DLG3: variants seen among roughly 807,000 people sequenced by gnomAD.
DLG3 encodes discs large MAGUK scaffold protein 3, also known as disks large homolog 3.
In DLG3, 1 loss-of-function variant was observed where a neutral mutation model predicts 64.1. That is an observed-to-expected ratio of 0.02 (90% CI 0.01 to 0.07). The LOEUF (loss-of-function observed/expected upper bound fraction) is 0.07. Among genes scored for constraint, DLG3 ranks in the 10% least tolerant of loss-of-function variants. DLG3 has a pLI of 1.00. For missense variants in DLG3, 429 were observed against 669.5 expected, an observed-to-expected ratio of 0.64 and a Z score of 3.96; for synonymous variants, 245 against 259.8, an observed-to-expected ratio of 0.94 and a Z score of 0.55.
intron 9 of DLG3, among the ~76,000 whole-genome samples, chrX:70,460,879 T>G (rs977042060): frequency 8.9e-6 from 1 of 112,312 alleles, no homozygotes; most frequent in African/African-American, 3.2e-5. Context: ...ATTGTCAAGG[T>G]TCATCTGTGT....
chrX:70,491,910 A>C (rs2087366611), intron 10 of DLG3, among the ~76,000 whole-genome samples, 197 bp from the exon 11 acceptor site: 2 of 111,572 alleles, frequency 1.8e-5, no homozygotes, highest in Admixed American at 9.5e-5. Flanking sequence ...TGGGAGAATG[A>C]GATGTTTCTT....
chrX:70,482,660 G>GTTTTTTTTTTTT (rs200729766), intron 10 of DLG3, among the ~76,000 whole-genome samples: 26 of 69,226 alleles, frequency 3.8e-4, no homozygotes, highest in Non-Finnish European at 5.0e-4. Flanking sequence ...TACATGTGTG[G>GTTTTTTTTTTTT]TGTTTTTTTT....
rs1226084684 is a variant in DLG3, at chrX:70,444,909, C to G, written c.-293C>G. On this transcript the variant is annotated 5_prime_UTR_variant, in exon 1 of 19. Transcript: ENST00000374360. The stretch of plus-strand genomic sequence containing the variant: ...CACCCATTCTCTGCTTGAGCTCCCG[C>G]TTCTTCTTTGCCGCTGGGCCTCGGC... The G allele has an allele frequency of 1.6e-5, 3 of 186,877 alleles. No homozygotes were observed. Among genetic ancestry groups the G allele is most frequent in the Non-Finnish European group, 3.0e-5 (3 of 101,654 alleles). The allele number at this position is 186,877 out of a possible 1,213,427, so 15.4% of individuals were successfully genotyped here. A position where few individuals can be genotyped will look rare whatever the true frequency, so the allele number is the denominator to read the frequency against.
chrX:70,460,282 CAAAAAAAAA>C (rs1221573255), intron 9 of DLG3, among the ~76,000 whole-genome samples: 1 of 38,438 alleles, frequency 2.6e-5, no homozygotes, highest in Non-Finnish European at 5.8e-5. Flanking sequence ...GACTCTGTCT[CAAAAAAAAA>C]AAAAAAAAAA....
chrX:70,445,561 A>G lies in DLG3; in HGVS notation c.357+3A>G. ...CCAACCGGGACTGGTATGAGCAGGT[A>G]TGGACCAGCGGAGGGGGGAGCGGTG... On this transcript the variant is annotated splice_donor_region_variant and intron_variant, in intron 1 of 18. Coordinates refer to ENST00000374360, the MANE Select transcript of DLG3 (RefSeq NM_021120.4). 2 of 1,176,343 alleles carry G rather than the reference A, an allele frequency of 1.7e-6. No individual in the cohort carries two copies. Among genetic ancestry groups the G allele is most frequent in the Non-Finnish European group, 2.3e-6 (2 of 876,970 alleles).
intron 6 of DLG3, among the ~76,000 whole-genome samples, chrX:70,451,251 G>A (rs2086614834): frequency 9.0e-6 from 1 of 111,540 alleles, no homozygotes; most frequent in Non-Finnish European, 1.9e-5. Flanking sequence ...ACAGGTGCCT[G>A]CCACCATGCC....
chrX:70,451,337 G>A (rs1032059088), intron 6 of DLG3, among the ~76,000 whole-genome samples: 3 of 111,119 alleles, frequency 2.7e-5, no homozygotes, highest in Non-Finnish European at 5.7e-5. Flanking sequence ...TCCTGACCTC[G>A]TGATCCACCC....
rs767930444 is a variant in DLG3 at position 70,450,629 on chromosome X, C to T, written c.841-10C>T. ...TTCCAAGTCCCAGCCTGAGGCCTCT[C>T]CTCTTCTAGGTGAACAACACCAATC... On this transcript the variant is annotated splice_polypyrimidine_tract_variant and intron_variant, in intron 5 of 18. Transcript: ENST00000374360. The T allele has an allele frequency of 4.1e-6, 5 of 1,211,563 alleles. No individual in the cohort carries two copies. The highest frequency in any genetic ancestry group is 4.3e-5 in the Admixed American group (2 of 46,039).
chrX:70,471,976 T>C (rs1333510949), intron 9 of DLG3, among the ~76,000 whole-genome samples: 2 of 111,776 alleles, frequency 1.8e-5, no homozygotes, highest in East Asian at 5.6e-4. Context: ...TGTGTTACTT[T>C]CCTGTTTAAA....
At chrX:70,447,919 A>G (rs1175547785) in intron 1 of DLG3, among the ~76,000 whole-genome samples, 1 of 111,701 alleles carries the variant, frequency 9.0e-6, no homozygotes, top group Non-Finnish European at 1.9e-5. Flanking sequence ...CTACATATTG[A>G]AAACCATGGA....
chrX:70,474,490 A>G (rs183390561), intron 9 of DLG3, among the ~76,000 whole-genome samples: 1 of 110,817 alleles, frequency 9.0e-6, no homozygotes, highest in African/African-American at 3.3e-5. Context: ...GGTGTCGTTT[A>G]CAGTAATGGG....
At chrX:70,469,928 G>A (rs1188169903) in intron 9 of DLG3, among the ~76,000 whole-genome samples, 2 of 111,636 alleles carry the variant, frequency 1.8e-5, no homozygotes, top group African/African-American at 6.5e-5. Context: ...TGAGCCTCAG[G>A]GCAGCTCAGC....
intron 9 of DLG3, among the ~76,000 whole-genome samples, chrX:70,468,832 A>G (rs2086924487): frequency 8.9e-6 from 1 of 111,845 alleles, no homozygotes; most frequent in Non-Finnish European, 1.9e-5. Flanking sequence ...TCTAAATTAT[A>G]TTTAAAAATT....
intron 13 of DLG3, chrX:70,497,254 G>C: frequency 1.7e-6 from 2 of 1,180,318 alleles, no homozygotes; most frequent in Non-Finnish European, 2.3e-6. Context: ...ATGTCGTGTA[G>C]CTCCACTGTG....
intron 9 of DLG3, among the ~76,000 whole-genome samples, chrX:70,477,342 C>A (rs2087070953): frequency 8.9e-6 from 1 of 112,431 alleles, no homozygotes; most frequent in African/African-American, 3.2e-5. Flanking sequence ...GGTCAGAAAT[C>A]TTTGTCTCAC....
At chrX:70,467,966 G>A (rs1195913962) in intron 9 of DLG3, among the ~76,000 whole-genome samples, 1 of 112,084 alleles carries the variant, frequency 8.9e-6, no homozygotes, top group African/African-American at 3.2e-5. Context: ...TCCGGAATAG[G>A]TGAGAAGGCA....
intron 9 of DLG3, among the ~76,000 whole-genome samples, chrX:70,460,816 G>A (rs1271230476): frequency 9.0e-6 from 1 of 111,363 alleles, no homozygotes; most frequent in Non-Finnish European, 1.9e-5. Flanking sequence ...TCTGGACATT[G>A]CATATAACTA....
At chrX:70,448,841 G>A (rs1602864678) in intron 1 of DLG3, 72 bp from the exon 2 acceptor site, 4 of 1,141,342 alleles carry the variant, frequency 3.5e-6, no homozygotes, top group East Asian at 6.1e-5. Context: ...TAGGGGAGGA[G>A]GCAGGTTGAC....
chrX:70,453,760 T>C lies in DLG3; in HGVS notation c.1269T>C (p.Ser423=). 8.3e-7 allele frequency: 1 copy of C among 1,204,867 alleles called. No individual in the cohort carries two copies. The highest frequency in any genetic ancestry group is 1.1e-6 in the Non-Finnish European group (1 of 892,426). Residue 423 remains serine (S), a synonymous_variant, in exon 8 of 19, where the codon AGT becomes AGC. Transcript: ENST00000374360. ...TGGCAGGAGGCCCAGCTGACCTGAG[T>C]GGGGAGCTGCGCAGGGGAGACCGGA... ...FILAGGPADL[S]GELRRGDRIL...
Sources: gnomAD v4.1 joint callset for allele counts (sites outside exome capture counted in the v4.1 genomes callset) on GRCh38, gnomAD v4.1.1 for gene constraint, MANE v1.5 for transcripts, NCBI Gene and HGNC (gene_info 2026-07-23, HGNC 2026-07-21) for gene names.